Variants in OSBPL3 observed in about 807,000 individuals in gnomAD.
The protein encoded by OSBPL3 is oxysterol-binding protein-related protein 3.
OSBPL3 carries 65 observed loss-of-function variants against 120.1 expected under a neutral mutation model. The ratio of observed to expected loss-of-function variants is 0.54; its 90% CI spans 0.44 to 0.67. The LOEUF is 0.67. OSBPL3 is among the 30% of genes least tolerant of loss of function. The pLI, the probability that OSBPL3 is intolerant of heterozygous loss-of-function variation, is 0.00. For synonymous variants in OSBPL3, 416 were observed against 402.6 expected, an observed-to-expected ratio of 1.03 and a Z score of -0.40; for missense variants, 1,004 against 1,082.1, an observed-to-expected ratio of 0.93 and a Z score of 1.01.
rs766653677 is a variant in OSBPL3 at position 24,800,453 on chromosome 7, C to CTTTT, written c.2568-178_2568-175dup. ...TAGATGTCCAGAAATAATTTTGTTACTTTTTTTTTTTTTTTTTTTTTGAGA... is the reference window on the plus strand; with the variant it reads ...TAGATGTCCAGAAATAATTTTGTTACTTTTTTTTTTTTTTTTTTTTTTTTTGAGA... On this transcript the variant is annotated intron_variant, in intron 22 of 22. Coordinates refer to ENST00000313367, the MANE Select transcript of OSBPL3 (RefSeq NM_015550.4). Among the ~76,000 whole-genome samples the CTTTT allele has an allele frequency of 4.2e-5, 5 of 119,522 alleles. 1 individual carries two copies. The highest frequency in any genetic ancestry group is 9.3e-5 in the Admixed American group (1 of 10,786). The allele number at this position is 119,522 out of a possible 152,430, so 78.4% of individuals were successfully genotyped here. A position where few individuals can be genotyped will look rare whatever the true frequency, so the allele number is the denominator to read the frequency against.
Position 24,839,907 on chromosome 7 carries a change from C to T in OSBPL3, c.1495+783G>A, listed in dbSNP as rs1278415806. ...TCCAGAGGCTAAGGCAGGAGAATCG[C>T]TTTAACCCGGGAGGCAGAGGCTGCA... is the stretch of plus-strand genomic sequence containing the variant. On this transcript the variant is annotated intron_variant, in intron 14 of 22. Transcript: ENST00000313367. Among the ~76,000 whole-genome samples the T allele has an allele frequency of 5.8e-5, 8 of 137,604 alleles. No individual in the cohort carries two copies. In the East Asian group the frequency reaches 1.4e-3, roughly 23 times the overall value. The allele number at this position is 137,604 out of a possible 152,430, so 90.3% of individuals were successfully genotyped here.
rs1182661084 is a variant in OSBPL3, at chr7:24,830,951, G to A, written c.1747-46C>T. The A allele has an allele frequency of 6.5e-7, 1 of 1,528,664 alleles. No individual in the cohort carries two copies. Among genetic ancestry groups the A allele is most frequent in the Non-Finnish European group, 8.8e-7 (1 of 1,141,254 alleles). The allele number at this position is 1,528,664 out of a possible 1,614,324, so 94.7% of individuals were successfully genotyped here. A position where few individuals can be genotyped will look rare whatever the true frequency, so the allele number is the denominator to read the frequency against. ...CTTTGTCATTTCCGTGTCACCAAGAGCTTTATTGTTCACAAAGAACTAAAC... is the reference window on the plus strand; with the variant it reads ...CTTTGTCATTTCCGTGTCACCAAGAACTTTATTGTTCACAAAGAACTAAAC... On this transcript the variant is annotated intron_variant, in intron 15 of 22. Coordinates refer to ENST00000313367, the MANE Select transcript of OSBPL3 (RefSeq NM_015550.4). This position sits in a 1 kb window ranked among gnomAD's most constrained non-coding sequence, Gnocchi z 4.4.
Position 24,891,187 on chromosome 7 carries a change from C to T in OSBPL3, c.96+1190G>A, listed in dbSNP as rs1380975120. On this transcript the variant is annotated intron_variant, in intron 2 of 22. Coordinates refer to ENST00000313367, the MANE Select transcript of OSBPL3 (RefSeq NM_015550.4). The surrounding 1 kb of genome is among the most constrained non-coding windows in gnomAD (Gnocchi z 4.1). ...CTGCAGGGAGCCATGATGCATTAGC[C>T]AATGACTAATTTTAGTCTTTTCTTA... is the stretch of plus-strand genomic sequence containing the variant. 1.3e-5 allele frequency among the ~76,000 whole-genome samples: 2 copies of T among 151,788 alleles called. No individual in the cohort carries two copies. Among genetic ancestry groups the T allele is most frequent in the African/African-American group, 4.8e-5 (2 of 41,272 alleles).
Position 24,916,402 on chromosome 7 carries a change from G to GT in OSBPL3, c.-149-23782dup, listed in dbSNP as rs2128434022. 6.6e-6 allele frequency among the ~76,000 whole-genome samples: 1 copy of GT among 151,854 alleles called. No homozygotes were observed. The highest frequency in any genetic ancestry group is 2.4e-5 in the African/African-American group (1 of 41,406). On this transcript the variant is annotated intron_variant, in intron 1 of 22. Transcript: ENST00000313367. The surrounding 1 kb of genome is among the most constrained non-coding windows in gnomAD (Gnocchi z 4.9). ...TTATCTTCCGCTTGAGCTTTTTTGGGTAATATTTTACTTTCTCCTTTGAAC... is the reference window on the plus strand; with the variant it reads ...TTATCTTCCGCTTGAGCTTTTTTGGGTTAATATTTTACTTTCTCCTTTGAAC...
intron 1 of OSBPL3, among the ~76,000 whole-genome samples, chr7:24,917,506 T>A (rs1809854146): frequency 6.8e-6 from 1 of 146,934 alleles, no homozygotes; most frequent in Non-Finnish European, 1.5e-5. Context: ...GGGAGTTTCA[T>A]CAATTTTTTT....
intron 1 of OSBPL3, among the ~76,000 whole-genome samples, chr7:24,914,780 G>T (rs1001565417): frequency 6.6e-6 from 1 of 152,138 alleles, no homozygotes; most frequent in Non-Finnish European, 1.5e-5. Context: ...CATGAGATCA[G>T]CAGGGTTTTT....
intron 1 of OSBPL3, among the ~76,000 whole-genome samples, chr7:24,978,759 G>A (rs1817862205): frequency 6.6e-6 from 1 of 152,186 alleles, no homozygotes. Flanking sequence ...CAAACTCTGA[G>A]GGTCAGAGCA....
Position 24,862,380 on chromosome 7 carries a change from T to C in OSBPL3, c.871-611A>G, listed in dbSNP as rs964086584. On this transcript the variant is annotated intron_variant, in intron 9 of 22. Coordinates refer to ENST00000313367, the MANE Select transcript of OSBPL3 (RefSeq NM_015550.4). The surrounding 1 kb of genome is among the most constrained non-coding windows in gnomAD (Gnocchi z 4.4). Reference sequence around the variant, plus strand: ...GCCAGGCTTTCTCATTTATACTCAATTCCTTCCTCCTGGCAATAATCATCC... The same window carrying C: ...GCCAGGCTTTCTCATTTATACTCAACTCCTTCCTCCTGGCAATAATCATCC... 6.6e-6 allele frequency among the ~76,000 whole-genome samples: 1 copy of C among 152,236 alleles called. No individual in the cohort carries two copies. Among genetic ancestry groups the C allele is most frequent in the Admixed American group, 6.5e-5 (1 of 15,288 alleles).
intron 13 of OSBPL3, 62 bp downstream of exon 13, chr7:24,842,217 G>C (rs1797865563): frequency 6.5e-7 from 1 of 1,535,056 alleles, no homozygotes; most frequent in East Asian, 2.2e-5. Flanking sequence ...TTACTGAACA[G>C]ATTAATCAGC....
At position 24,980,123 on chromosome 7, in the gene OSBPL3, G is replaced by A. The variant is rs926118734; in HGVS notation, c.-387C>T. The A allele has an allele frequency of 1.5e-5, 13 of 857,234 alleles. No individual in the cohort carries two copies. The highest frequency in any genetic ancestry group is 1.8e-5 in the Non-Finnish European group (13 of 713,012). 53.1% of individuals were successfully genotyped at this position (857,234 alleles called of 1,614,324 possible). A position where few individuals can be genotyped will look rare whatever the true frequency, so the allele number is the denominator to read the frequency against. On this transcript the variant is annotated 5_prime_UTR_variant, in exon 1 of 23. Coordinates refer to ENST00000313367, the MANE Select transcript of OSBPL3 (RefSeq NM_015550.4). ...CGCTCAAGTCCCCTCTCCCGGGCCG[G>A]CTGGCGGGCGCCACCAGCACGCGGC...
chr7:24,903,684 G>T (rs898182858), intron 1 of OSBPL3, among the ~76,000 whole-genome samples: 3 of 152,058 alleles, frequency 2.0e-5, no homozygotes, highest in African/African-American at 7.2e-5. Context: ...ATCCACCCCT[G>T]TGTCTGCCAA....
At chr7:24,878,946 G>A (rs1418043245) in intron 2 of OSBPL3, among the ~76,000 whole-genome samples, 1 of 152,200 alleles carries the variant, frequency 6.6e-6, no homozygotes, top group Non-Finnish European at 1.5e-5. Context: ...AGACCAGGCT[G>A]TCTCAAAAAA....
rs1170477990 is a variant in OSBPL3, at chr7:24,892,441, G to A, written c.32C>T (p.Ser11Phe). 1.2e-6 allele frequency: 2 copies of A among 1,613,506 alleles called. No individual in the cohort carries two copies. Among genetic ancestry groups the A allele is most frequent in the Non-Finnish European group, 1.7e-6 (2 of 1,179,682 alleles). Residue 11 changes from serine to phenylalanine, a missense_variant, in exon 2 of 23, where the codon TCC becomes TTC. Ser to Phe is a radical substitution (Grantham distance 155). Transcript: ENST00000313367. MMSDEKNLGV[S>F]QKLVSPSRST... ...CCTTGAAGGTGATACCAATTTTTGG[G>A]ACACACCAAGGTTCTTCTCATCACT...
In OSBPL3 at chr7:24,852,474, G is replaced by C. The variant is rs1380074905; in HGVS notation, c.1158+30C>G. The C allele has an allele frequency of 6.6e-7, 1 of 1,525,168 alleles. No homozygotes were observed. Among genetic ancestry groups the C allele is most frequent in the Non-Finnish European group, 8.8e-7 (1 of 1,141,954 alleles). The allele number at this position is 1,525,168 out of a possible 1,614,324, so 94.5% of individuals were successfully genotyped here. A position where few individuals can be genotyped will look rare whatever the true frequency, so the allele number is the denominator to read the frequency against. Reference sequence around the variant, plus strand: ...CATTCATGAGCCTGGACACATCTCAGGCATTCCTGGAGGCAGACATGTAAC... The same window carrying C: ...CATTCATGAGCCTGGACACATCTCACGCATTCCTGGAGGCAGACATGTAAC... On this transcript the variant is annotated intron_variant, in intron 11 of 22. Coordinates refer to ENST00000313367, the MANE Select transcript of OSBPL3 (RefSeq NM_015550.4). This position sits in a 1 kb window ranked among gnomAD's most constrained non-coding sequence, Gnocchi z 4.1.
At chr7:24,807,667 T>G (rs1793235321) in intron 20 of OSBPL3, among the ~76,000 whole-genome samples, 1 of 152,156 alleles carries the variant, frequency 6.6e-6, no homozygotes, top group South Asian at 2.1e-4. Context: ...AGCAAGTGGT[T>G]AATAAATGTT....
intron 16 of OSBPL3, among the ~76,000 whole-genome samples, chr7:24,828,049 G>A (rs1795907626): frequency 6.6e-6 from 1 of 151,536 alleles, no homozygotes; most frequent in South Asian, 2.1e-4. Flanking sequence ...TTTTGAAATG[G>A]AGTCTTGCTC....
intron 7 of OSBPL3, among the ~76,000 whole-genome samples, chr7:24,864,418 G>A (rs1398922229): frequency 6.6e-6 from 1 of 152,186 alleles, no homozygotes; most frequent in African/African-American, 2.4e-5. Context: ...AATGTGCATT[G>A]CTGATAAGTT....
At chr7:24,973,916 G>GT (rs1287255031) in intron 1 of OSBPL3, among the ~76,000 whole-genome samples, 1 of 152,150 alleles carries the variant, frequency 6.6e-6, no homozygotes, top group Non-Finnish European at 1.5e-5. Context: ...CAGCTGAAAT[G>GT]TAATAGGAGC....
In OSBPL3 at chr7:24,828,763, A is replaced by AT. The variant is rs562215516; in HGVS notation, c.1884+2004dup. On this transcript the variant is annotated intron_variant, in intron 16 of 22. Transcript: ENST00000313367. Reference sequence around the variant, plus strand: ...AAACATTATCATTCCTAATTTACAGATTTTTTTTTTTTTAAAAAGGAAGGC... The same window carrying AT: ...AAACATTATCATTCCTAATTTACAGATTTTTTTTTTTTTTAAAAAGGAAGGC... 1.5e-3 allele frequency among the ~76,000 whole-genome samples: 219 copies of AT among 145,690 alleles called. 1 individual carries two copies. Among genetic ancestry groups the AT allele is most frequent in the East Asian group, 3.3e-3 (16 of 4,790 alleles).
Sources: gnomAD v4.1 joint callset for allele counts (sites outside exome capture counted in the v4.1 genomes callset) on GRCh38, gnomAD v4.1.1 for gene constraint, Gnocchi (gnomAD v3.1) non-coding constraint, MANE v1.5 for transcripts, NCBI Gene and HGNC (gene_info 2026-07-23, HGNC 2026-07-21) for gene names.